Variants in STPG2 observed in about 807,000 individuals in gnomAD.
STPG2 encodes sperm-tail PG-rich repeat-containing protein 2.
A neutral mutation model predicts 54.2 loss-of-function variants in STPG2; 56 were observed. The observed-to-expected ratio is 1.03, with a 90% CI of 0.83 to 1.29. The LOEUF (loss-of-function observed/expected upper bound fraction) is 1.29, where lower values mean the gene tolerates loss of function less well. STPG2 is among the 50% of genes most tolerant of loss of function. The probability of loss-of-function intolerance (pLI) is 0.00; values close to 1 mark genes in which losing one functional copy is unlikely to be tolerated. For synonymous variants in STPG2, 200 were observed against 181.8 expected, an observed-to-expected ratio of 1.10 and a Z score of -0.81; for missense variants, 596 against 544.9, an observed-to-expected ratio of 1.09 and a Z score of -0.93.
intron 4 of STPG2, among the ~76,000 whole-genome samples, chr4:97,500,747 G>T (rs1008366372): frequency 1.3e-5 from 2 of 152,008 alleles, no homozygotes; most frequent in African/African-American, 4.8e-5. Flanking sequence ...AATCAGATAA[G>T]ATGAGGACCG....
At chr4:97,678,008 T>A (rs565315821) in intron 10 of STPG2, among the ~76,000 whole-genome samples, 1 of 152,290 alleles carries the variant, frequency 6.6e-6, no homozygotes, top group South Asian at 2.1e-4. Flanking sequence ...CATTAAATAC[T>A]GTTCTTTGGG....
intron 10 of STPG2, among the ~76,000 whole-genome samples, chr4:97,586,962 T>A (rs1733017277): frequency 6.6e-6 from 1 of 151,912 alleles, no homozygotes; most frequent in Non-Finnish European, 1.5e-5. Context: ...CATTTGATGA[T>A]TAAAACAAAA....
intron 10 of STPG2, among the ~76,000 whole-genome samples, chr4:97,626,695 C>T (rs984583164): frequency 1.3e-5 from 2 of 151,856 alleles, no homozygotes; most frequent in South Asian, 2.1e-4. Context: ...TCTTCTTTTG[C>T]TTATCCTCCT....
intron 9 of STPG2, among the ~76,000 whole-genome samples, chr4:97,754,118 CT>C (rs1288735454): frequency 6.6e-6 from 1 of 151,932 alleles, no homozygotes; most frequent in Non-Finnish European, 1.5e-5. Context: ...CTTGAATAAA[CT>C]TTATAGGAGG....
At chr4:97,763,283 T>C (rs1725942997) in intron 9 of STPG2, among the ~76,000 whole-genome samples, 1 of 152,144 alleles carries the variant, frequency 6.6e-6, no homozygotes, top group South Asian at 2.1e-4. Context: ...ATAAAGGTGG[T>C]AAGTAGTCAA....
intron 10 of STPG2, among the ~76,000 whole-genome samples, chr4:97,678,056 A>T (rs1446606030): frequency 1.3e-5 from 2 of 152,098 alleles, no homozygotes; most frequent in Non-Finnish European, 2.9e-5. Flanking sequence ...AATGTTTTGT[A>T]GATGTTAGTA....
intron 8 of STPG2, among the ~76,000 whole-genome samples, chr4:97,924,737 G>C (rs763314459): frequency 3.3e-5 from 5 of 152,158 alleles, no homozygotes; most frequent in Non-Finnish European, 7.4e-5. Flanking sequence ...AGGTTTTAAT[G>C]ATAATAATAC....
At chr4:98,043,107 T>C (rs1578807816) in intron 5 of STPG2, among the ~76,000 whole-genome samples, 1 of 152,010 alleles carries the variant, frequency 6.6e-6, no homozygotes, top group African/African-American at 2.4e-5. Flanking sequence ...CTAAAGATAG[T>C]TTTTTTACTA....
intron 4 of STPG2, among the ~76,000 whole-genome samples, chr4:97,510,052 G>A (rs1335969809): frequency 2.0e-5 from 3 of 152,002 alleles, no homozygotes; most frequent in African/African-American, 7.2e-5. Flanking sequence ...AGAGTTTCTA[G>A]AGCCGGTATC....
chr4:98,131,494 T>C (rs1450841672), intron 2 of STPG2, among the ~76,000 whole-genome samples: 1 of 152,164 alleles, frequency 6.6e-6, no homozygotes, highest in Non-Finnish European at 1.5e-5. Context: ...CTTACAAAAT[T>C]TAACCTCATT....
intron 10 of STPG2, among the ~76,000 whole-genome samples, chr4:97,697,742 G>A (rs1025349493): frequency 3.0e-4 from 45 of 152,230 alleles, no homozygotes; most frequent in African/African-American, 9.4e-4. Context: ...TTAGTTTACC[G>A]AAATGAGGGC....
chr4:97,764,011 T>C (rs1319119335), intron 9 of STPG2, among the ~76,000 whole-genome samples: 1 of 151,884 alleles, frequency 6.6e-6, no homozygotes, highest in Non-Finnish European at 1.5e-5. Flanking sequence ...TTTAGCCACA[T>C]GTGCCTTTTT....
chr4:97,712,958 C>A, intron 9 of STPG2, 144 bp from the exon 10 acceptor site: 1 of 489,698 alleles, frequency 2.0e-6, no homozygotes, highest in Non-Finnish European at 3.6e-6. Context: ...TGCTTAAAAT[C>A]ATTTGGTTTA....
chr4:97,598,944 AGAGC>A (rs1035035539), intron 10 of STPG2, among the ~76,000 whole-genome samples: 53 of 152,224 alleles, frequency 3.5e-4, no homozygotes, highest in Non-Finnish European at 6.8e-4. Flanking sequence ...ATTAAACTAA[AGAGC>A]TTCTGCCAGC....
At chr4:97,768,900 C>T (rs1726136727) in intron 9 of STPG2, among the ~76,000 whole-genome samples, 1 of 152,000 alleles carries the variant, frequency 6.6e-6, no homozygotes, top group Non-Finnish European at 1.5e-5. Context: ...TGGGGTTTCA[C>T]CACGTTAGCC....
intron 10 of STPG2, among the ~76,000 whole-genome samples, chr4:97,669,535 GCC>G (rs1722635492): frequency 3.8e-5 from 1 of 26,396 alleles, no homozygotes; most frequent in East Asian, 8.2e-4. Context: ...GGTGGCTCAC[GCC>G]TGTAATCCCA....
chr4:97,941,390 A>C (rs1267681615), intron 8 of STPG2, among the ~76,000 whole-genome samples: 1 of 152,130 alleles, frequency 6.6e-6, no homozygotes, highest in Non-Finnish European at 1.5e-5. Context: ...TCTGTTTTCT[A>C]TATCAAATAA....
Position 98,143,084 on chromosome 4 carries a change from G to A in STPG2, c.67C>T (p.Pro23Ser). 6.2e-7 allele frequency: 1 copy of A among 1,613,880 alleles called. No homozygotes were observed. Among genetic ancestry groups the A allele is most frequent in the Non-Finnish European group, 8.5e-7 (1 of 1,179,888 alleles). Residue 23 changes from proline to serine, a missense_variant, in exon 1 of 11, where the codon CCT (proline) becomes TCT (serine). Physicochemically the swap from Pro to Ser is moderately conservative, Grantham distance 74. Transcript: ENST00000295268. Reference sequence around the variant, plus strand: ...AGGAAAGGTACCTGGTAGGATCCAGGACCCACATGGGCCTCAGTGCTGCCA... The same window carrying A: ...AGGAAAGGTACCTGGTAGGATCCAGAACCCACATGGGCCTCAGTGCTGCCA... ...EGGSTEAHVG[P>S]GSYQVPFLKQ...
chr4:97,594,318 TA>T (rs1560676820), intron 10 of STPG2, among the ~76,000 whole-genome samples: 1 of 152,280 alleles, frequency 6.6e-6, no homozygotes, highest in East Asian at 1.9e-4. Context: ...ACTGATCTGA[TA>T]GAGCTGAAAA....
Sources: allele counts gnomAD v4.1 joint callset (sites outside exome capture counted in the v4.1 genomes callset), GRCh38; gene constraint gnomAD v4.1.1; transcripts MANE v1.5; gene names NCBI Gene and HGNC (gene_info 2026-07-23, HGNC 2026-07-21).